The following INSYN2B variants were observed in gnomAD, a reference collection of about 807,000 sequenced individuals.
INSYN2B encodes protein INSYN2B.
A neutral mutation model predicts 41.2 loss-of-function variants in INSYN2B; 16 were observed. The observed-to-expected ratio is 0.39, with a 90% CI of 0.26 to 0.59. The LOEUF is 0.59. INSYN2B is among the 20% of genes least tolerant of loss of function. The pLI is 0.57. For synonymous variants in INSYN2B, 245 were observed against 244.4 expected, an observed-to-expected ratio of 1.00 and a Z score of -0.02; for missense variants, 608 against 646.4, an observed-to-expected ratio of 0.94 and a Z score of 0.64.
chr5:169,947,714 G>A (rs1158182517), intron 1 of INSYN2B, among the ~76,000 whole-genome samples: 1 of 152,144 alleles, frequency 6.6e-6, no homozygotes, highest in Non-Finnish European at 1.5e-5. Flanking sequence ...GGGAATGGCG[G>A]GCTGTCAGCA....
At chr5:169,972,537 TGAGACA>T (rs1777543325) in intron 1 of INSYN2B, among the ~76,000 whole-genome samples, 2 of 134,584 alleles carry the variant, frequency 1.5e-5, no homozygotes, top group African/African-American at 6.0e-5. Flanking sequence ...AGAGCCACTG[TGAGACA>T]GATAGATAGA....
chr5:169,956,923 A>T (rs937027906), intron 1 of INSYN2B, among the ~76,000 whole-genome samples: 1 of 152,040 alleles, frequency 6.6e-6, no homozygotes, highest in Admixed American at 6.6e-5. Flanking sequence ...CTGTCCCTGG[A>T]GGGCCTGCAG....
At chr5:169,914,311 A>G (rs1178589785) in intron 1 of INSYN2B, among the ~76,000 whole-genome samples, 2 of 152,202 alleles carry the variant, frequency 1.3e-5, no homozygotes, top group Admixed American at 6.5e-5. Flanking sequence ...TAACCCATAT[A>G]GATATTCTCT....
intron 1 of INSYN2B, among the ~76,000 whole-genome samples, chr5:169,964,372 C>T (rs540626011): frequency 6.6e-6 from 1 of 152,266 alleles, no homozygotes; most frequent in African/African-American, 2.4e-5. Flanking sequence ...CTTGGCCTGT[C>T]ATTGGGAAGA....
chr5:169,870,092 G>C (rs531394227), intron 3 of INSYN2B, among the ~76,000 whole-genome samples: 71 of 152,334 alleles, frequency 4.7e-4, no homozygotes, highest in African/African-American at 1.6e-3. Flanking sequence ...TGGGACATGG[G>C]ACCTGTGGTT....
chr5:169,955,246 G>A (rs1269367506), intron 1 of INSYN2B, among the ~76,000 whole-genome samples: 2 of 152,134 alleles, frequency 1.3e-5, no homozygotes, highest in Non-Finnish European at 2.9e-5. Flanking sequence ...CCCCTGCCCG[G>A]GACCACACAG....
At chr5:169,919,182 A>C (rs1169452250) in intron 1 of INSYN2B, among the ~76,000 whole-genome samples, 1 of 152,216 alleles carries the variant, frequency 6.6e-6, no homozygotes, top group African/African-American at 2.4e-5. Context: ...GATGTTGCTC[A>C]GTTCATTGTT....
chr5:169,967,842 T>TA (rs1267958003), intron 1 of INSYN2B, among the ~76,000 whole-genome samples: 1 of 152,056 alleles, frequency 6.6e-6, no homozygotes, highest in Non-Finnish European at 1.5e-5. Context: ...GAAAAATTTC[T>TA]AAATCCCCAT....
intron 1 of INSYN2B, among the ~76,000 whole-genome samples, chr5:169,946,754 A>G (rs916367934): frequency 4.6e-5 from 7 of 152,234 alleles, no homozygotes; most frequent in Admixed American, 6.5e-5. Flanking sequence ...AGGCAATCTG[A>G]AAGTCACACA....
chr5:169,951,325 C>T (rs772544150), intron 1 of INSYN2B, among the ~76,000 whole-genome samples: 7 of 152,228 alleles, frequency 4.6e-5, no homozygotes, highest in Non-Finnish European at 1.0e-4. Context: ...CCTTCTGATG[C>T]TGCATATGTG....
At chr5:169,974,671 T>C (rs912721310) in intron 1 of INSYN2B, among the ~76,000 whole-genome samples, 1 of 152,148 alleles carries the variant, frequency 6.6e-6, no homozygotes, top group Non-Finnish European at 1.5e-5. Context: ...CTCCTGGTTT[T>C]GATTTTTCTC....
rs528933898 is a variant in INSYN2B at position 169,922,670 on chromosome 5, T to C, written c.-918-37854A>G. ...ATAGTGCTCAGAGAGGTTAAGTGAT[T>C]TGTATATGGTCACACAGCTTAATGT... is the stretch of plus-strand genomic sequence containing the variant. On this transcript the variant is annotated intron_variant, in intron 1 of 3. Coordinates refer to ENST00000377365, the MANE Select transcript of INSYN2B (RefSeq NM_001129891.3). 4.6e-5 allele frequency among the ~76,000 whole-genome samples: 7 copies of C among 152,370 alleles called. No individual in the cohort carries two copies. The South Asian group carries it at 1.4e-3, about 32-fold the overall frequency.
At chr5:169,903,942 A>G (rs1466951807) in intron 1 of INSYN2B, among the ~76,000 whole-genome samples, 1 of 152,100 alleles carries the variant, frequency 6.6e-6, no homozygotes, top group African/African-American at 2.4e-5. Flanking sequence ...TCTACAAAAA[A>G]TACAAAAATT....
At chr5:169,879,730 T>G (rs887114759) in intron 3 of INSYN2B, among the ~76,000 whole-genome samples, 1 of 152,202 alleles carries the variant, frequency 6.6e-6, no homozygotes, top group Non-Finnish European at 1.5e-5. Flanking sequence ...AATATCAGAA[T>G]GTCAGAACTA....
chr5:169,928,753 T>C (rs1317037375), intron 1 of INSYN2B, among the ~76,000 whole-genome samples: 1 of 152,176 alleles, frequency 6.6e-6, no homozygotes, highest in Admixed American at 6.5e-5. Flanking sequence ...TATACAGGAA[T>C]GAGTGGGTGG....
rs541558086 is a variant in INSYN2B at position 169,898,927 on chromosome 5, A to G, written c.-918-14111T>C. Among the ~76,000 whole-genome samples the G allele has an allele frequency of 2.0e-5, 3 of 152,326 alleles. No homozygotes were observed. In the South Asian group the frequency reaches 6.2e-4, roughly 32 times the overall value. ...ACCACAGAGACTAAAGTGAAGAAGC[A>G]AAAGGTGGTAGAATGGTGGATTCAA... On this transcript the variant is annotated intron_variant, in intron 1 of 3. Transcript: ENST00000377365.
At chr5:169,920,500 T>A (rs1775115878) in intron 1 of INSYN2B, among the ~76,000 whole-genome samples, 1 of 152,128 alleles carries the variant, frequency 6.6e-6, no homozygotes, top group South Asian at 2.1e-4. Context: ...CTGGCACTCA[T>A]ACTTGGGAGA....
chr5:169,921,871 C>T (rs1447801231), intron 1 of INSYN2B, among the ~76,000 whole-genome samples: 8 of 152,166 alleles, frequency 5.3e-5, no homozygotes, highest in Non-Finnish European at 1.5e-5. Flanking sequence ...TACCCTTTTA[C>T]TGAAGGAACA....
intron 1 of INSYN2B, among the ~76,000 whole-genome samples, chr5:169,888,666 A>G (rs1701263421): frequency 6.6e-6 from 1 of 152,204 alleles, no homozygotes; most frequent in Non-Finnish European, 1.5e-5. Flanking sequence ...ATCTACGTAG[A>G]TGAGACTCTT....
Sources: gnomAD v4.1 joint callset for allele counts (sites outside exome capture counted in the v4.1 genomes callset) on GRCh38, gnomAD v4.1.1 for gene constraint, MANE v1.5 for transcripts, NCBI Gene and HGNC (gene_info 2026-07-23, HGNC 2026-07-21) for gene names.